DLG2: variants seen among roughly 807,000 people sequenced by gnomAD.
The protein encoded by DLG2 is discs large MAGUK scaffold protein 2.
Under a neutral mutation model 132.5 loss-of-function variants are expected in DLG2, and 45 were observed. The observed-to-expected ratio is 0.34, with a 90% CI of 0.27 to 0.44. The LOEUF (loss-of-function observed/expected upper bound fraction) is 0.44, where lower values mean the gene tolerates loss of function less well. DLG2 is among the 20% of genes least tolerant of loss of function. The pLI, the probability that DLG2 is intolerant of heterozygous loss-of-function variation, is 1.00. For synonymous variants in DLG2, 424 were observed against 419.6 expected (o/e 1.01, Z -0.13); for missense variants, 1,045 against 1,196.9 (o/e 0.87, Z 1.87).
intron 4 of DLG2, among the ~76,000 whole-genome samples, chr11:85,240,546 C>T (rs1448581973): frequency 2.0e-5 from 3 of 151,672 alleles, no homozygotes; most frequent in East Asian, 1.9e-4. Flanking sequence ...ATTTTAAAGG[C>T]TTGTTTCTGA....
At chr11:83,470,329 T>C (rs2091867673) in intron 24 of DLG2, among the ~76,000 whole-genome samples, 1 of 152,014 alleles carries the variant, frequency 6.6e-6, no homozygotes, top group South Asian at 2.1e-4. Context: ...ATAGAAAGAA[T>C]AGATGGAAAT....
intron 18 of DLG2, among the ~76,000 whole-genome samples, chr11:83,747,939 T>C (rs1566807366): frequency 6.6e-6 from 1 of 152,222 alleles, no homozygotes; most frequent in Non-Finnish European, 1.5e-5. Context: ...AATAATCATA[T>C]GACATAGGTA....
At chr11:85,071,088 A>C (rs1483979514) in intron 6 of DLG2, among the ~76,000 whole-genome samples, 1 of 151,876 alleles carries the variant, frequency 6.6e-6, no homozygotes, top group African/African-American at 2.4e-5. Flanking sequence ...ATAGCGTTTA[A>C]CACATAGAGT....
intron 7 of DLG2, among the ~76,000 whole-genome samples, chr11:84,295,446 G>A (rs1293327829): frequency 6.6e-6 from 1 of 152,102 alleles, no homozygotes; most frequent in Non-Finnish European, 1.5e-5. Context: ...TCTTTCTTAT[G>A]CATGGCTATA....
intron 10 of DLG2, among the ~76,000 whole-genome samples, chr11:84,063,971 G>A (rs1448111991): frequency 6.6e-6 from 1 of 151,762 alleles, no homozygotes; most frequent in African/African-American, 2.4e-5. Flanking sequence ...TGTGGGGTGG[G>A]GGGCTGGGGG....
intron 3 of DLG2, among the ~76,000 whole-genome samples, chr11:85,342,487 C>A (rs2082567168): frequency 1.3e-5 from 2 of 152,118 alleles, no homozygotes; most frequent in Admixed American, 1.3e-4. Context: ...ATGCCTTCTT[C>A]TAGAATACCT....
chr11:85,145,516 T>C (rs773642101), intron 5 of DLG2, among the ~76,000 whole-genome samples: 1 of 152,112 alleles, frequency 6.6e-6, no homozygotes, highest in African/African-American at 2.4e-5. Flanking sequence ...ATTCTCTTTA[T>C]TATTTTTTTC....
intron 5 of DLG2, among the ~76,000 whole-genome samples, chr11:85,144,961 T>C (rs1035008397): frequency 2.0e-5 from 3 of 152,134 alleles, no homozygotes; most frequent in Non-Finnish European, 4.4e-5. Flanking sequence ...GTCCTTTTCT[T>C]TTAGATTAAA....
chr11:83,813,421 A>G (rs1202119009), intron 17 of DLG2, among the ~76,000 whole-genome samples: 3 of 152,180 alleles, frequency 2.0e-5, no homozygotes, highest in Non-Finnish European at 2.9e-5. Context: ...CTTTGCAGGA[A>G]TGCTTTCTCC....
intron 19 of DLG2, among the ~76,000 whole-genome samples, chr11:83,620,665 T>G (rs1248027248): frequency 6.6e-6 from 1 of 151,612 alleles, no homozygotes; most frequent in Non-Finnish European, 1.5e-5. Context: ...GGTCAGGAGA[T>G]CGAGACCATC....
chr11:84,794,188 A>G (rs770853138), intron 6 of DLG2, among the ~76,000 whole-genome samples: 1 of 152,272 alleles, frequency 6.6e-6, no homozygotes, highest in Non-Finnish European at 1.5e-5. Flanking sequence ...ATTTAGAAAG[A>G]ATAAGACCTA....
intron 5 of DLG2, among the ~76,000 whole-genome samples, chr11:85,152,244 A>ATTTT (rs200542714): frequency 2.1e-5 from 3 of 145,838 alleles, no homozygotes; most frequent in Non-Finnish European, 3.0e-5. Context: ...TTATTTATTA[A>ATTTT]TTTTTTTTTT....
At chr11:83,930,679 T>G (rs2080019247) in intron 14 of DLG2, among the ~76,000 whole-genome samples, 196 bp from the exon 15 acceptor site, 2 of 152,296 alleles carry the variant, frequency 1.3e-5, no homozygotes, top group Non-Finnish European at 2.9e-5. Context: ...CTTCTGTGGG[T>G]AAAAGTGGCC....
intron 6 of DLG2, among the ~76,000 whole-genome samples, chr11:84,807,467 A>T (rs1282916013): frequency 6.6e-6 from 1 of 152,116 alleles, no homozygotes. Context: ...AAAACAAAAA[A>T]GCAAAAAAAG....
chr11:84,138,356 C>T (rs111627252), intron 9 of DLG2, among the ~76,000 whole-genome samples: 1,861 of 152,246 alleles, frequency 0.012, 34 homozygotes, highest in African/African-American at 0.043. Flanking sequence ...CCAGGCAGAG[C>T]AGTATGCTGC....
intron 7 of DLG2, among the ~76,000 whole-genome samples, chr11:84,471,225 G>A (rs1480588407): frequency 6.6e-6 from 1 of 151,672 alleles, no homozygotes; most frequent in Non-Finnish European, 1.5e-5. Flanking sequence ...TTTCTGTGGT[G>A]TCTCTGCTAC....
chr11:85,352,554 T>C (rs538858932), intron 3 of DLG2, among the ~76,000 whole-genome samples: 7 of 152,288 alleles, frequency 4.6e-5, no homozygotes, highest in Middle Eastern at 6.8e-3. Context: ...GTGCTATAAA[T>C]TTCCCTCTAC....
At chr11:84,759,749 G>C (rs549880611) in intron 6 of DLG2, among the ~76,000 whole-genome samples, 1 of 151,812 alleles carries the variant, frequency 6.6e-6, no homozygotes, top group African/African-American at 2.4e-5. Context: ...ACAAAAACTT[G>C]TCTTCATATG....
At chr11:83,920,410 T>C (rs1237678171) in intron 15 of DLG2, among the ~76,000 whole-genome samples, 1 of 152,178 alleles carries the variant, frequency 6.6e-6, no homozygotes, top group Non-Finnish European at 1.5e-5. Flanking sequence ...TTCTAAAATA[T>C]TTAGATCTCT....
Sources: gnomAD v4.1 joint callset for allele counts (sites outside exome capture counted in the v4.1 genomes callset) on GRCh38, gnomAD v4.1.1 for gene constraint, MANE v1.5 for transcripts, NCBI Gene and HGNC (gene_info 2026-07-23, HGNC 2026-07-21) for gene names.